CCDC80: variants seen among roughly 807,000 people sequenced by gnomAD.
CCDC80 encodes coiled-coil domain-containing protein 80.
CCDC80 carries 49 observed loss-of-function variants against 78.7 expected under a neutral mutation model. That is an observed-to-expected ratio of 0.62 (90% CI 0.50 to 0.79). The LOEUF is 0.79. Ranked by LOEUF, CCDC80 falls within the 30% of genes least tolerant of loss-of-function variation. The pLI is 0.00. For synonymous variants in CCDC80, 488 were observed against 447.0 expected, an observed-to-expected ratio of 1.09 and a Z score of -1.16; for missense variants, 1,205 against 1,198.6, an observed-to-expected ratio of 1.01 and a Z score of -0.08.
At chr3:112,607,123 A>G (rs1469120404) in intron 7 of CCDC80, 53 bp downstream of exon 7, 15 of 1,358,522 alleles carry the variant, frequency 1.1e-5, no homozygotes, top group Non-Finnish European at 1.6e-5. Flanking sequence ...ACTTAATGTA[A>G]TTTAACTGAA....
intron 3 of CCDC80, among the ~76,000 whole-genome samples, chr3:112,629,780 C>T (rs1936058653): frequency 6.6e-6 from 1 of 152,208 alleles, no homozygotes; most frequent in Non-Finnish European, 1.5e-5. Flanking sequence ...GGGCTGCTCA[C>T]AGGCGAGAAG....
intron 7 of CCDC80, among the ~76,000 whole-genome samples, chr3:112,606,289 G>A (rs924313903): frequency 6.6e-6 from 1 of 152,272 alleles, no homozygotes; most frequent in Non-Finnish European, 1.5e-5. Context: ...ACACTTTCAA[G>A]TCTGCTGTGT....
chr3:112,638,661 G>A lies in CCDC80; in HGVS notation c.1245C>T (p.Tyr415=). The change falls in exon 2 of 8, where the codon TAC becomes TAT. Residue 415 remains tyrosine, a synonymous_variant. Transcript: ENST00000206423. The part of the protein sequence containing the change: ...ARRPSVSENL[Y]PPSRKDQHRE... ...TGTGCTGATCCTTCCGGGATGGAGG[G>A]TAAAGATTCTCTGAAACTGAGGGTC... is the stretch of plus-strand genomic sequence containing the variant. The A allele has an allele frequency of 6.2e-7, 1 of 1,614,060 alleles. No homozygotes were observed. The highest frequency in any genetic ancestry group is 8.5e-7 in the Non-Finnish European group (1 of 1,180,006).
chr3:112,616,443 AG>A (rs201273072), intron 5 of CCDC80, among the ~76,000 whole-genome samples: 14,624 of 107,206 alleles, frequency 0.14, 1,768 homozygotes, highest in African/African-American at 0.38. Context: ...AGAAAAAAAA[AG>A]AAAAGAAAAA....
chr3:112,618,222 T>C (rs1190983612), intron 4 of CCDC80, among the ~76,000 whole-genome samples: 8 of 152,164 alleles, frequency 5.3e-5, no homozygotes, highest in Non-Finnish European at 1.2e-4. Context: ...AAACTAGGTG[T>C]AAAACCCCAA....
chr3:112,617,470 C>T (rs1468232142), intron 4 of CCDC80, among the ~76,000 whole-genome samples: 1 of 152,224 alleles, frequency 6.6e-6, no homozygotes, highest in African/African-American at 2.4e-5. Context: ...GCTGGCTGAG[C>T]GTAATCAGCA....
chr3:112,630,734 C>T (rs1489857536), intron 2 of CCDC80, among the ~76,000 whole-genome samples: 1 of 152,108 alleles, frequency 6.6e-6, no homozygotes. Context: ...GTTTCATAGC[C>T]AGGCCCTGGG....
chr3:112,616,954 G>C, intron 4 of CCDC80, 96 bp from the exon 5 acceptor site: 1 of 1,279,946 alleles, frequency 7.8e-7, no homozygotes, highest in South Asian at 1.4e-5. Flanking sequence ...AGGAGCTCTG[G>C]GGAAATCTTT....
intron 3 of CCDC80, among the ~76,000 whole-genome samples, chr3:112,625,051 G>A (rs991546831): frequency 2.0e-5 from 3 of 152,072 alleles, no homozygotes; most frequent in Non-Finnish European, 4.4e-5. Context: ...AATTTATATA[G>A]AGTACCTATG....
At chr3:112,625,930 A>T (rs188507062) in intron 3 of CCDC80, among the ~76,000 whole-genome samples, 2 of 152,324 alleles carry the variant, frequency 1.3e-5, no homozygotes, top group African/African-American at 4.8e-5. Context: ...AAAGAAAAAA[A>T]ACCTACTCAT....
Position 112,630,154 on chromosome 3 carries a change from G to C in CCDC80, c.1994C>G (p.Pro665Arg). Residue 665 changes from proline (P) to arginine (R), a missense_variant, in exon 3 of 8, where the codon CCT becomes CGT. Transcript: ENST00000206423. ...RKISVITIFG[P>R]VNNSTMKIDH... is the part of the protein sequence containing the mutation. ...GATTTTCATGGTGCTGTTGTTGACA[G>C]GGCCGAAGATGGTGATCACAGAGAT... 1 of 1,613,928 alleles carries C rather than the reference G, an allele frequency of 6.2e-7. No individual in the cohort carries two copies. The highest frequency in any genetic ancestry group is 8.5e-7 in the Non-Finnish European group (1 of 1,179,862).
chr3:112,612,685 A>G (rs748854733), intron 5 of CCDC80, among the ~76,000 whole-genome samples: 7 of 151,866 alleles, frequency 4.6e-5, no homozygotes, highest in African/African-American at 1.2e-4. Flanking sequence ...GCATTTGCCC[A>G]CTCTTTGGGG....
chr3:112,608,512 G>C (rs1278767538), intron 6 of CCDC80, among the ~76,000 whole-genome samples: 1 of 152,164 alleles, frequency 6.6e-6, no homozygotes, highest in Non-Finnish European at 1.5e-5. Context: ...GTACAAAAGA[G>C]TTTGCTTTCA....
intron 3 of CCDC80, among the ~76,000 whole-genome samples, chr3:112,625,029 G>C (rs909869833): frequency 1.3e-5 from 2 of 152,104 alleles, no homozygotes; most frequent in Admixed American, 6.5e-5. Flanking sequence ...GTGGGAGTCT[G>C]AATTTTTTTC....
At chr3:112,628,697 A>C (rs1936030528) in intron 3 of CCDC80, among the ~76,000 whole-genome samples, 1 of 152,184 alleles carries the variant, frequency 6.6e-6, no homozygotes, top group African/African-American at 2.4e-5. Context: ...TTTGGTTAAG[A>C]AAATTCCTTT....
intron 2 of CCDC80, among the ~76,000 whole-genome samples, chr3:112,634,841 A>T (rs1030779128): frequency 1.3e-5 from 2 of 152,236 alleles, no homozygotes; most frequent in African/African-American, 2.4e-5. Flanking sequence ...TTTCAACTCA[A>T]ACAGATCTGA....
At chr3:112,618,029 T>C (rs1935786297) in intron 4 of CCDC80, among the ~76,000 whole-genome samples, 5 of 152,220 alleles carry the variant, frequency 3.3e-5, no homozygotes, top group Admixed American at 3.3e-4. Context: ...CTCTGTTTTT[T>C]CCTCTGTGAA....
chr3:112,635,999 A>G (rs533273678), intron 2 of CCDC80, among the ~76,000 whole-genome samples: 104 of 152,326 alleles, frequency 6.8e-4, no homozygotes, highest in African/African-American at 2.4e-3. Context: ...GGCAATGGGA[A>G]ATATTTGCCA....
intron 2 of CCDC80, 136 bp from the exon 3 acceptor site, chr3:112,630,405 G>A (rs549266632): frequency 3.5e-6 from 3 of 850,116 alleles, no homozygotes; most frequent in African/African-American, 1.7e-5. Flanking sequence ...TGAACAGTTA[G>A]CATAATTAGG....
Sources: gnomAD v4.1 joint callset for allele counts (sites outside exome capture counted in the v4.1 genomes callset) on GRCh38, gnomAD v4.1.1 for gene constraint, MANE v1.5 for transcripts, NCBI Gene and HGNC (gene_info 2026-07-23, HGNC 2026-07-21) for gene names.